The following TSPEAR variants were observed in gnomAD, a reference collection of about 807,000 sequenced individuals.
TSPEAR encodes thrombospondin type laminin G domain and EAR repeats.
TSPEAR carries 69 observed loss-of-function variants against 71.6 expected under a neutral mutation model. The observed-to-expected ratio is 0.96, with a 90% CI of 0.79 to 1.18. The LOEUF is 1.18. Among genes scored for constraint, TSPEAR ranks in the 50% most tolerant of loss-of-function variants. The pLI is 0.00. For missense variants in TSPEAR, 971 were observed against 894.9 expected (o/e 1.09, Z -1.09); for synonymous variants, 402 against 387.2 (o/e 1.04, Z -0.45).
intron 1 of TSPEAR, among the ~76,000 whole-genome samples, chr21:44,598,088 C>T: frequency 6.6e-6 from 1 of 152,082 alleles, no homozygotes; most frequent in Non-Finnish European, 1.5e-5. Flanking sequence ...CTTTCTTCTC[C>T]TTTTCTTCTT....
intron 1 of TSPEAR, among the ~76,000 whole-genome samples, chr21:44,691,299 T>C (rs1987114683): frequency 1.3e-5 from 2 of 152,192 alleles, no homozygotes; most frequent in Admixed American, 6.5e-5. Context: ...CACTCACCCC[T>C]ATGTCTCTAA....
chr21:44,614,136 C>A (rs993395360), intron 1 of TSPEAR, among the ~76,000 whole-genome samples: 5 of 152,178 alleles, frequency 3.3e-5, no homozygotes, highest in Non-Finnish European at 7.4e-5. Context: ...CTCAGCTCCC[C>A]CATCTTGCTC....
At position 44,603,007 on chromosome 21, in the gene TSPEAR, G is replaced by C. The variant is rs587671899; in HGVS notation, c.83-35002C>G. 3.9e-5 allele frequency among the ~76,000 whole-genome samples: 6 copies of C among 152,276 alleles called. No homozygotes were observed. The South Asian group carries it at 1.2e-3, about 32-fold the overall frequency. ...GCAATGACAATGCTGTCCTAGGACA[G>C]TGCTGGGTGCATTTCTGGTAGTGCT... is the stretch of plus-strand genomic sequence containing the variant. On this transcript the variant is annotated intron_variant, in intron 1 of 11. Transcript: ENST00000323084.
rs144449038 is a variant in TSPEAR at position 44,527,335 on chromosome 21, G to C, written c.1106C>G (p.Thr369Arg). The C allele has an allele frequency of 6.2e-7, 1 of 1,614,190 alleles. No individual in the cohort carries two copies. Reference protein sequence around the residue: ...EKFVSYQNIPTHQAQAWRHFT... With the variant: ...EKFVSYQNIPRHQAQAWRHFT... Reference sequence around the variant, plus strand: ...ATGCCTCCAGGCCTGTGCTTGGTGCGTGGGGATGTTCTGATATGAGACGAA... The same window carrying C: ...ATGCCTCCAGGCCTGTGCTTGGTGCCTGGGGATGTTCTGATATGAGACGAA... Residue 369 changes from threonine to arginine, a missense_variant, in exon 7 of 12, where the codon ACG (threonine) becomes AGG (arginine). Transcript: ENST00000323084.
intron 1 of TSPEAR, chr21:44,627,079 G>A: frequency 6.5e-7 from 1 of 1,544,724 alleles, no homozygotes; most frequent in Non-Finnish European, 8.8e-7. Flanking sequence ...AAGCCTGAGA[G>A]CCCCAAGAAC....
chr21:44,645,011 TG>T (rs1984233244), intron 1 of TSPEAR, among the ~76,000 whole-genome samples: 1 of 152,116 alleles, frequency 6.6e-6, no homozygotes, highest in Non-Finnish European at 1.5e-5. Flanking sequence ...CACAAAAAAA[TG>T]GTGACATGTG....
At chr21:44,596,714 A>T (rs1302168962) in intron 1 of TSPEAR, among the ~76,000 whole-genome samples, 6 of 152,232 alleles carry the variant, frequency 3.9e-5, no homozygotes, top group Non-Finnish European at 5.9e-5. Context: ...AAATGATATC[A>T]TATGGCCATT....
chr21:44,508,972 C>T (rs1052226215), intron 10 of TSPEAR: 4 of 1,534,674 alleles, frequency 2.6e-6, no homozygotes, highest in Non-Finnish European at 3.5e-6. Flanking sequence ...CAGCACCCGG[C>T]TCTGGGAACC....
intron 2 of TSPEAR, among the ~76,000 whole-genome samples, chr21:44,554,626 C>T (rs587630661): frequency 6.6e-6 from 1 of 152,334 alleles, no homozygotes; most frequent in East Asian, 1.9e-4. Flanking sequence ...TATTCTAATA[C>T]TTTACTGCAT....
At chr21:44,616,827 C>T (rs138905388) in intron 1 of TSPEAR, among the ~76,000 whole-genome samples, 1 of 152,380 alleles carries the variant, frequency 6.6e-6, no homozygotes, top group African/African-American at 2.4e-5. Flanking sequence ...TCAGCCTCTG[C>T]TCCGGTCACG....
intron 1 of TSPEAR, among the ~76,000 whole-genome samples, chr21:44,670,652 G>A (rs1234518457): frequency 1.3e-5 from 2 of 152,180 alleles, no homozygotes; most frequent in African/African-American, 2.4e-5. Context: ...CACATGCCCT[G>A]AGACTTACAT....
At chr21:44,513,885 A>C (rs903052766) in intron 9 of TSPEAR, among the ~76,000 whole-genome samples, 1 of 152,142 alleles carries the variant, frequency 6.6e-6, no homozygotes, top group Non-Finnish European at 1.5e-5. Context: ...TAGCCAGCTC[A>C]GGCTGGACAA....
At position 44,628,088 on chromosome 21, in the gene TSPEAR, A is replaced by AC. The variant is rs782272960; in HGVS notation, c.83-60084dup. 1.9e-6 allele frequency: 3 copies of AC among 1,579,572 alleles called. No individual in the cohort carries two copies. The South Asian group carries it at 3.6e-5, about 19-fold the overall frequency. Reference sequence around the variant, plus strand: ...CCAGGGCCAGCCGGGCTCAGGCCCCACCTCCCTGCCAGTCCTTGGACCTCC... The same window carrying AC: ...CCAGGGCCAGCCGGGCTCAGGCCCCACCCTCCCTGCCAGTCCTTGGACCTCC... On this transcript the variant is annotated intron_variant, in intron 1 of 11. Coordinates refer to ENST00000323084, the MANE Select transcript of TSPEAR (RefSeq NM_144991.3).
intron 1 of TSPEAR, chr21:44,601,460 G>T (rs1555928757): frequency 3.1e-6 from 5 of 1,611,192 alleles, no homozygotes; most frequent in Non-Finnish European, 3.4e-6. Flanking sequence ...GTGCCCGTCT[G>T]CTCTGGGGCT....
Position 44,501,412 on chromosome 21 carries a change from A to G in TSPEAR, c.1857-1476T>C, listed in dbSNP as rs587629465. The stretch of plus-strand genomic sequence containing the variant: ...AGATCGAGACCATCCTGGCTAACAC[A>G]GTGAAACCCCATCTCTACTAAAAAA... On this transcript the variant is annotated intron_variant, in intron 11 of 11. Coordinates refer to ENST00000323084, the MANE Select transcript of TSPEAR (RefSeq NM_144991.3). Among the ~76,000 whole-genome samples the G allele has an allele frequency of 3.9e-4, 60 of 152,260 alleles. 1 individual carries two copies. The highest frequency in any genetic ancestry group is 1.3e-3 in the African/African-American group (53 of 41,546).
intron 1 of TSPEAR, among the ~76,000 whole-genome samples, chr21:44,689,712 A>ATATACATATATATATATATATAT (rs1555949491): frequency 8.1e-5 from 5 of 62,038 alleles, no homozygotes; most frequent in Non-Finnish European, 1.1e-4. Context: ...GAATAGAATG[A>ATATACATATATATATATATATAT]ATATATATAT....
Position 44,567,775 on chromosome 21 carries a change from T to C in TSPEAR, c.303+10A>G. On this transcript the variant is annotated intron_variant, in intron 2 of 11. Coordinates refer to ENST00000323084, the MANE Select transcript of TSPEAR (RefSeq NM_144991.3). Reference sequence around the variant, plus strand: ...CTATTATAACACGAAGTGCAGAAAGTGCCACTGACCTTGGGTGGAAGATTG... The same window carrying C: ...CTATTATAACACGAAGTGCAGAAAGCGCCACTGACCTTGGGTGGAAGATTG... 6.5e-7 allele frequency: 1 copy of C among 1,548,542 alleles called. No homozygotes were observed. Among genetic ancestry groups the C allele is most frequent in the Non-Finnish European group, 8.7e-7 (1 of 1,143,834 alleles).
At chr21:44,581,533 T>A (rs1488084241) in intron 1 of TSPEAR, among the ~76,000 whole-genome samples, 1 of 152,132 alleles carries the variant, frequency 6.6e-6, no homozygotes, top group Non-Finnish European at 1.5e-5. Flanking sequence ...TTATAGTTTG[T>A]CTCTCTCTCT....
At chr21:44,552,824 C>T (rs1287264410) in intron 2 of TSPEAR, among the ~76,000 whole-genome samples, 1 of 152,190 alleles carries the variant, frequency 6.6e-6, no homozygotes, top group Non-Finnish European at 1.5e-5. Context: ...GTGCCAGTCA[C>T]TCCGCCCTCC....
Sources: gnomAD v4.1 joint callset for allele counts (sites outside exome capture counted in the v4.1 genomes callset) on GRCh38, gnomAD v4.1.1 for gene constraint, MANE v1.5 for transcripts, NCBI Gene and HGNC (gene_info 2026-07-23, HGNC 2026-07-21) for gene names.